The following FOXP2 variants were observed in gnomAD, a reference collection of about 807,000 sequenced individuals.
FOXP2 encodes the protein forkhead box P2, also known as forkhead box protein P2.
A neutral mutation model predicts 115.8 loss-of-function variants in FOXP2; 12 were observed. The ratio of observed to expected loss-of-function variants is 0.10; its 90% CI spans 0.07 to 0.17. The LOEUF is 0.17. Among genes scored for constraint, FOXP2 ranks in the 10% least tolerant of loss-of-function variants. The pLI is 1.00. For missense variants in FOXP2, 629 were observed against 843.5 expected, an observed-to-expected ratio of 0.75 and a Z score of 3.15; for synonymous variants, 328 against 297.7, an observed-to-expected ratio of 1.10 and a Z score of -1.05.
chr7:114,192,220 C>T (rs893333097), intron 1 of FOXP2, among the ~76,000 whole-genome samples: 2 of 150,530 alleles, frequency 1.3e-5, no homozygotes, highest in African/African-American at 2.4e-5. Context: ...CTCTTGACCT[C>T]GTGATCTGCC....
intron 3 of FOXP2, among the ~76,000 whole-genome samples, chr7:114,597,674 C>A (rs1802800934): frequency 6.6e-6 from 1 of 152,124 alleles, no homozygotes. Context: ...AACCTACATC[C>A]ATTCCCCAAA....
At chr7:114,459,978 A>G (rs1795491377) in intron 2 of FOXP2, among the ~76,000 whole-genome samples, 1 of 152,186 alleles carries the variant, frequency 6.6e-6, no homozygotes, top group African/African-American at 2.4e-5. Context: ...TTCAGTAGCC[A>G]TTCATGCCCA....
chr7:114,227,270 T>C (rs771149321), intron 1 of FOXP2, among the ~76,000 whole-genome samples: 17 of 152,054 alleles, frequency 1.1e-4, no homozygotes, highest in Non-Finnish European at 2.1e-4. Flanking sequence ...GGCCTGACTT[T>C]AGGGTTGTAG....
At chr7:114,260,099 C>G (rs1039919754) in intron 1 of FOXP2, among the ~76,000 whole-genome samples, 2 of 151,910 alleles carry the variant, frequency 1.3e-5, no homozygotes, top group African/African-American at 4.8e-5. Flanking sequence ...ATCATGTTGG[C>G]CAGGCTGGTT....
chr7:114,643,915 A>G (rs1048547951), intron 7 of FOXP2, among the ~76,000 whole-genome samples: 6 of 152,210 alleles, frequency 3.9e-5, no homozygotes, highest in African/African-American at 1.4e-4. Flanking sequence ...TTCCAAAGAA[A>G]CAGATATTTA....
intron 2 of FOXP2, among the ~76,000 whole-genome samples, chr7:114,531,560 T>C (rs2129275641): frequency 6.6e-6 from 1 of 152,030 alleles, no homozygotes; most frequent in South Asian, 2.1e-4. Context: ...TTTCTGCTTA[T>C]GAGTTTTAAA....
intron 1 of FOXP2, among the ~76,000 whole-genome samples, chr7:114,138,975 C>T (rs1792127604): frequency 1.3e-5 from 2 of 152,018 alleles, no homozygotes; most frequent in South Asian, 2.1e-4. Flanking sequence ...TTTCTTGTAT[C>T]AGTAGGCTTA....
intron 2 of FOXP2, among the ~76,000 whole-genome samples, chr7:114,476,778 G>T (rs1796287468): frequency 6.6e-6 from 1 of 151,874 alleles, no homozygotes; most frequent in Non-Finnish European, 1.5e-5. Flanking sequence ...ATTTGTTTGT[G>T]TCATCTCCCG....
chr7:114,361,481 G>A (rs898336188), intron 2 of FOXP2, among the ~76,000 whole-genome samples: 3 of 152,036 alleles, frequency 2.0e-5, no homozygotes, highest in Non-Finnish European at 4.4e-5. Flanking sequence ...TAGGAAAGGA[G>A]ATTTCAAGTA....
chr7:114,581,426 G>A (rs920982659), intron 3 of FOXP2, among the ~76,000 whole-genome samples: 4 of 151,950 alleles, frequency 2.6e-5, no homozygotes, highest in African/African-American at 9.7e-5. Flanking sequence ...ACAGACGTGA[G>A]CCACTGTGCC....
intron 2 of FOXP2, among the ~76,000 whole-genome samples, chr7:114,385,568 G>A (rs916988039): frequency 3.3e-5 from 5 of 152,058 alleles, no homozygotes; most frequent in African/African-American, 7.2e-5. Flanking sequence ...ACAAACGTCC[G>A]CAGTAGAAGG....
chr7:114,209,884 T>G (rs1746629675), intron 1 of FOXP2, among the ~76,000 whole-genome samples: 1 of 152,220 alleles, frequency 6.6e-6, no homozygotes, highest in South Asian at 2.1e-4. Flanking sequence ...AGAAAGAGTT[T>G]ACAAGCTCTG....
At chr7:114,474,875 T>G (rs1796190889) in intron 2 of FOXP2, among the ~76,000 whole-genome samples, 2 of 152,144 alleles carry the variant, frequency 1.3e-5, no homozygotes, top group Admixed American at 6.6e-5. Context: ...GTTCCAGTTC[T>G]CTGTTCCTAC....
intron 2 of FOXP2, among the ~76,000 whole-genome samples, chr7:114,394,483 T>C (rs776413398): frequency 7.2e-5 from 11 of 151,942 alleles, no homozygotes; most frequent in African/African-American, 2.4e-4. Context: ...CGGATACTTA[T>C]ATAGTTTCAA....
intron 3 of FOXP2, among the ~76,000 whole-genome samples, chr7:114,588,115 C>G (rs907159402): frequency 6.6e-6 from 1 of 151,684 alleles, no homozygotes; most frequent in Non-Finnish European, 1.5e-5. Flanking sequence ...CGAGACCATC[C>G]TGGCTAACAT....
At chr7:114,257,557 G>A (rs961001387) in intron 1 of FOXP2, among the ~76,000 whole-genome samples, 3 of 147,840 alleles carry the variant, frequency 2.0e-5, no homozygotes, top group Non-Finnish European at 3.0e-5. Flanking sequence ...TGGTTCAGGC[G>A]ATTCTCCTGC....
intron 2 of FOXP2, among the ~76,000 whole-genome samples, chr7:114,396,645 A>G (rs1395821959): frequency 6.6e-6 from 1 of 152,000 alleles, no homozygotes; most frequent in Non-Finnish European, 1.5e-5. Context: ...ATAGAGTAGA[A>G]TGATGGTTAC....
At chr7:114,263,115 C>A (rs1003339318) in intron 1 of FOXP2, among the ~76,000 whole-genome samples, 7 of 152,170 alleles carry the variant, frequency 4.6e-5, no homozygotes, top group African/African-American at 1.7e-4. Flanking sequence ...TGAAACCTTG[C>A]TCCATTGTCA....
chr7:114,685,563 G>T (rs1225806276), intron 16 of FOXP2, among the ~76,000 whole-genome samples: 1 of 152,090 alleles, frequency 6.6e-6, no homozygotes, highest in Non-Finnish European at 1.5e-5. Flanking sequence ...CAATAATGGC[G>T]TTATAATGGC....
Sources: gnomAD v4.1 joint callset for allele counts (sites outside exome capture counted in the v4.1 genomes callset) on GRCh38, gnomAD v4.1.1 for gene constraint, MANE v1.5 for transcripts, NCBI Gene and HGNC (gene_info 2026-07-23, HGNC 2026-07-21) for gene names.